Variants in MED1 observed in about 807,000 individuals in gnomAD.
MED1 encodes the protein mediator of RNA polymerase II transcription subunit 1.
MED1 carries 17 observed loss-of-function variants against 121.3 expected under a neutral mutation model. The observed-to-expected ratio is 0.14, with a 90% CI of 0.10 to 0.21. MED1 has a LOEUF of 0.21. MED1 is among the 10% of genes least tolerant of loss of function. MED1 has a pLI of 1.00. For missense variants in MED1, 1,558 were observed against 1,919.4 expected (o/e 0.81, Z 3.52); for synonymous variants, 661 against 694.4 (o/e 0.95, Z 0.76).
chr17:39,427,111 A>G (rs1383471730), intron 10 of MED1, among the ~76,000 whole-genome samples: 2 of 152,150 alleles, frequency 1.3e-5, no homozygotes, highest in African/African-American at 2.4e-5. Context: ...ACAATGAGTA[A>G]GCTGATTATC....
intron 7 of MED1, 54 bp downstream of exon 7, chr17:39,434,195 T>G: frequency 1.5e-6 from 2 of 1,290,876 alleles, no homozygotes; most frequent in East Asian, 5.0e-5. Context: ...TAAGGTGGCT[T>G]ATAGATTTAT....
intron 2 of MED1, among the ~76,000 whole-genome samples, chr17:39,446,137 C>A (rs1252930393): frequency 3.3e-5 from 5 of 151,836 alleles, no homozygotes; most frequent in Non-Finnish European, 5.9e-5. Context: ...AAGTTTGAGA[C>A]CAGCCTGAGC....
At chr17:39,428,682 G>T (rs1216061451) in intron 9 of MED1, among the ~76,000 whole-genome samples, 1 of 151,618 alleles carries the variant, frequency 6.6e-6, no homozygotes, top group Non-Finnish European at 1.5e-5. Flanking sequence ...CTTGGGTGTG[G>T]TGGCACACAC....
rs2144707599 is a variant in MED1, at chr17:39,405,454, C to A, written c.*2021G>T. 2 of 1,387,408 alleles carry A rather than the reference C, an allele frequency of 1.4e-6. No homozygotes were observed. The highest frequency in any genetic ancestry group is 1.9e-6 in the Non-Finnish European group (2 of 1,066,302). 85.9% of individuals were successfully genotyped at this position (1,387,408 alleles called of 1,614,324 possible). ...CACTCAGAACAAATTTTAAAAACCA[C>A]ATAAATTTTTTTTTTTTTCCTGCAG... On this transcript the variant is annotated 3_prime_UTR_variant, in exon 17 of 17. Coordinates refer to ENST00000300651, the MANE Select transcript of MED1 (RefSeq NM_004774.4).
chr17:39,442,215 T>A (rs577279886), intron 3 of MED1, among the ~76,000 whole-genome samples: 1 of 152,138 alleles, frequency 6.6e-6, no homozygotes, highest in South Asian at 2.1e-4. Context: ...ATTATAAGCA[T>A]GAATAATCAA....
At position 39,430,692 on chromosome 17, in the gene MED1, TAA is replaced by T. The variant is rs57515877; in HGVS notation, c.649+421_649+422del. On this transcript the variant is annotated intron_variant, in intron 9 of 16. Transcript: ENST00000300651. ...TGGGCAACAGAGCAAGACTCCGTCT[TAA>T]AAAAAAAAAAAAAAAACAGAATAAA... is the stretch of plus-strand genomic sequence containing the variant. Among the ~76,000 whole-genome samples, 171 of 116,852 alleles carry T rather than the reference TAA, an allele frequency of 1.5e-3. 1 individual carries two copies. The highest frequency in any genetic ancestry group is 0.01 in the Middle Eastern group (2 of 196). The allele number at this position is 116,852 out of a possible 152,430, so 76.7% of individuals were successfully genotyped here.
chr17:39,435,399 C>T (rs2048608909), intron 6 of MED1, among the ~76,000 whole-genome samples: 1 of 151,984 alleles, frequency 6.6e-6, no homozygotes, highest in African/African-American at 2.4e-5. Context: ...ATTCAGGCTT[C>T]GATTGTCGGA....
In MED1 at chr17:39,408,980, T is replaced by A; in HGVS notation, c.3241A>T (p.Ser1081Cys). 6.2e-7 allele frequency: 1 copy of A among 1,614,214 alleles called. No homozygotes were observed. The highest frequency in any genetic ancestry group is 8.5e-7 in the Non-Finnish European group (1 of 1,180,040). The change falls in exon 17 of 17, where the codon AGT becomes TGT. Residue 1081 changes from serine to cysteine, a missense_variant. Coordinates refer to ENST00000300651, the MANE Select transcript of MED1 (RefSeq NM_004774.4). This position sits in a 1 kb window ranked among gnomAD's most constrained non-coding sequence, Gnocchi z 4.7. Reference protein sequence around the residue: ...TVMVGKPSSHSQYTSSGSVSS... With the variant: ...TVMVGKPSSHCQYTSSGSVSS... Reference sequence around the variant, plus strand: ...ACAGAACCACTGCTGGTATACTGACTGTGAGAGGAAGGCTTGCCCACCATC... The same window carrying A: ...ACAGAACCACTGCTGGTATACTGACAGTGAGAGGAAGGCTTGCCCACCATC...
chr17:39,446,896 C>T (rs1411868604), intron 2 of MED1, among the ~76,000 whole-genome samples: 7 of 151,986 alleles, frequency 4.6e-5, no homozygotes, highest in East Asian at 3.9e-4. Flanking sequence ...GCCATGATCG[C>T]GCCACTGCAC....
chr17:39,412,533 C>CTT (rs1170139893), intron 16 of MED1, among the ~76,000 whole-genome samples: 6 of 102,288 alleles, frequency 5.9e-5, no homozygotes, highest in Non-Finnish European at 6.4e-5. Context: ...GCAAATTTTT[C>CTT]TTTTTTTTTT....
At chr17:39,442,108 A>AG (rs1407320454) in intron 3 of MED1, among the ~76,000 whole-genome samples, 4 of 151,786 alleles carry the variant, frequency 2.6e-5, no homozygotes, top group African/African-American at 9.7e-5. Flanking sequence ...GTCTCCAGAA[A>AG]AAAAAAAAAA....
At chr17:39,442,731 C>A (rs1371707904) in intron 3 of MED1, among the ~76,000 whole-genome samples, 1 of 150,170 alleles carries the variant, frequency 6.7e-6, no homozygotes, top group Non-Finnish European at 1.5e-5. Context: ...ACATGGAAAA[C>A]CCTGTCTCTA....
chr17:39,439,200 T>C lies in MED1; in HGVS notation c.400-7A>G, dbSNP rs1169161687. 6.3e-7 allele frequency: 1 copy of C among 1,578,624 alleles called. No homozygotes were observed. On this transcript the variant is annotated splice_region_variant and splice_polypyrimidine_tract_variant and intron_variant, in intron 5 of 16. Transcript: ENST00000300651. The stretch of plus-strand genomic sequence containing the variant: ...GTACAAGCTCCGGACAGCTCTGAAA[T>C]CAAAGAAAATTATGTTAAAACATTA...
At chr17:39,435,025 G>A (rs781198764) in intron 6 of MED1, among the ~76,000 whole-genome samples, 21 of 152,010 alleles carry the variant, frequency 1.4e-4, no homozygotes, top group Non-Finnish European at 1.8e-4. Flanking sequence ...AAAATTAGCC[G>A]AGTGTGGTGG....
rs1165461281 is a variant in MED1, at chr17:39,405,922, T to A, written c.*1553A>T. 2.1e-5 allele frequency: 21 copies of A among 983,348 alleles called. No homozygotes were observed. Among genetic ancestry groups the A allele is most frequent in the Middle Eastern group, 5.2e-4 (1 of 1,932 alleles). The allele number at this position is 983,348 out of a possible 1,614,324, so 60.9% of individuals were successfully genotyped here. Reference sequence around the variant, plus strand: ...AAGGAATCACCTGGCTTTTTTTTTTTAACCCAGAAGAGTTGTGCTGGGGAC... The same window carrying A: ...AAGGAATCACCTGGCTTTTTTTTTTAAACCCAGAAGAGTTGTGCTGGGGAC... On this transcript the variant is annotated 3_prime_UTR_variant, in exon 17 of 17. Transcript: ENST00000300651.
chr17:39,440,785 A>T lies in MED1; in HGVS notation c.212-108T>A, dbSNP rs768382480. Reference sequence around the variant, plus strand: ...TTCCAAAACCGTAAACATATTCAGTAGTTCAAATGCTTGTAATTTACATAA... The same window carrying T: ...TTCCAAAACCGTAAACATATTCAGTTGTTCAAATGCTTGTAATTTACATAA... On this transcript the variant is annotated intron_variant, in intron 3 of 16. Transcript: ENST00000300651. The surrounding 1 kb of genome is among the most constrained non-coding windows in gnomAD (Gnocchi z 4.1). The T allele has an allele frequency of 1.3e-5, 14 of 1,051,558 alleles. No individual in the cohort carries two copies. Among genetic ancestry groups the T allele is most frequent in the Non-Finnish European group, 2.0e-5 (14 of 700,148 alleles). The allele number at this position is 1,051,558 out of a possible 1,614,324, so 65.1% of individuals were successfully genotyped here.
Position 39,408,403 on chromosome 17 carries a change from AAGG to A in MED1, c.3815_3817del (p.Ser1272del), listed in dbSNP as rs751133879. ...TGACATGGAAGAGCCACTTGAGGAA[AAGG>A]AGGAGGAAGATGCCGTACAGGAATT... On this transcript the variant is annotated inframe_deletion, in exon 17 of 17. Coordinates refer to ENST00000300651, the MANE Select transcript of MED1 (RefSeq NM_004774.4). The surrounding 1 kb of genome is among the most constrained non-coding windows in gnomAD (Gnocchi z 4.7). The A allele has an allele frequency of 2.7e-5, 44 of 1,614,034 alleles. No individual in the cohort carries two copies. The highest frequency in any genetic ancestry group is 2.0e-4 in the African/African-American group (15 of 74,910).
intron 1 of MED1, among the ~76,000 whole-genome samples, chr17:39,450,541 T>G (rs1465914628): frequency 1.3e-5 from 2 of 152,172 alleles, no homozygotes; most frequent in Non-Finnish European, 2.9e-5. Flanking sequence ...GAAAAGTTGT[T>G]TTTCTGCAGT....
intron 3 of MED1, among the ~76,000 whole-genome samples, chr17:39,442,788 C>T (rs2048691017): frequency 6.7e-6 from 1 of 149,834 alleles, no homozygotes; most frequent in African/African-American, 2.5e-5. Context: ...GCCTGTAATC[C>T]CAGCTACTTG....
Sources: gnomAD v4.1 joint callset for allele counts (sites outside exome capture counted in the v4.1 genomes callset) on GRCh38, gnomAD v4.1.1 for gene constraint, Gnocchi (gnomAD v3.1) non-coding constraint, MANE v1.5 for transcripts, NCBI Gene and HGNC (gene_info 2026-07-23, HGNC 2026-07-21) for gene names.